The following PSAT1 variants were observed in gnomAD, a reference collection of about 807,000 sequenced individuals.
PSAT1 encodes the protein phosphoserine aminotransferase 1, also known as phosphoserine aminotransferase.
A neutral mutation model predicts 40.3 loss-of-function variants in PSAT1; 41 were observed. That is an observed-to-expected ratio of 1.02 (90% CI 0.79 to 1.32). The LOEUF (loss-of-function observed/expected upper bound fraction) is 1.32. Ranked by LOEUF, PSAT1 falls within the 40% of genes most tolerant of loss-of-function variation. The pLI is 0.00. For missense variants in PSAT1, 406 were observed against 455.8 expected (o/e 0.89, Z 0.99); for synonymous variants, 147 against 170.5 (o/e 0.86, Z 1.07).
chr9:78,324,416 T>A (rs4373597), intron 7 of PSAT1, among the ~76,000 whole-genome samples: 7,114 of 152,190 alleles, frequency 0.047, 491 homozygotes, highest in African/African-American at 0.15. Flanking sequence ...TTTGCAGCCC[T>A]GGGATTTCCA....
chr9:78,302,106 ATT>A lies in PSAT1; in HGVS notation c.191+84_191+85del. 17 of 969,574 alleles carry A rather than the reference ATT, an allele frequency of 1.8e-5. No individual in the cohort carries two copies. In the South Asian group the frequency reaches 2.3e-4, roughly 13 times the overall value. 60.1% of individuals were successfully genotyped at this position (969,574 alleles called of 1,614,324 possible). On this transcript the variant is annotated intron_variant, in intron 3 of 8. Transcript: ENST00000376588. ...TGTCTTCCAGTATTTTCTACACTCTATTGTTTGTTCAGAATATTTCATAATTT... is the reference window on the plus strand; with the variant it reads ...TGTCTTCCAGTATTTTCTACACTCTAGTTTGTTCAGAATATTTCATAATTT...
chr9:78,304,211 G>C (rs747713673), intron 3 of PSAT1, among the ~76,000 whole-genome samples: 28 of 152,162 alleles, frequency 1.8e-4, no homozygotes, highest in Non-Finnish European at 3.1e-4. Context: ...ACTGCAGGAA[G>C]GTGATTTTCC....
chr9:78,318,089 G>A (rs1168841359), intron 7 of PSAT1, among the ~76,000 whole-genome samples: 1 of 152,038 alleles, frequency 6.6e-6, no homozygotes, highest in African/African-American at 2.4e-5. Context: ...CACTCCCTGG[G>A]GTAGGTCCCG....
At chr9:78,315,710 C>G (rs937149693) in intron 6 of PSAT1, among the ~76,000 whole-genome samples, 2 of 152,182 alleles carry the variant, frequency 1.3e-5, no homozygotes, top group African/African-American at 4.8e-5. Flanking sequence ...CCGGTGTTGG[C>G]TTTTGCCAAC....
intron 7 of PSAT1, among the ~76,000 whole-genome samples, chr9:78,321,999 G>A (rs1828435669): frequency 6.6e-6 from 1 of 151,876 alleles, no homozygotes; most frequent in Non-Finnish European, 1.5e-5. Flanking sequence ...GCTAGAAACA[G>A]TGGTTGGCAC....
chr9:78,302,427 A>G (rs1828119954), intron 3 of PSAT1, among the ~76,000 whole-genome samples: 1 of 152,086 alleles, frequency 6.6e-6, no homozygotes, highest in South Asian at 2.1e-4. Context: ...GTTAGGGGGA[A>G]TATTAAAAAA....
At chr9:78,305,639 A>G (rs996051713) in intron 4 of PSAT1, among the ~76,000 whole-genome samples, 1 of 152,206 alleles carries the variant, frequency 6.6e-6, no homozygotes, top group East Asian at 1.9e-4. Flanking sequence ...CAATGCCTTT[A>G]TGGAGCATTC....
chr9:78,300,693 C>T (rs1828094697), intron 2 of PSAT1, 31 bp downstream of exon 2: 6 of 1,481,958 alleles, frequency 4.0e-6, no homozygotes, highest in Non-Finnish European at 5.5e-6. Flanking sequence ...CTGTGAATGT[C>T]CATGTTTCAA....
At position 78,302,621 on chromosome 9, in the gene PSAT1, C is replaced by G. The variant is rs1828123105; in HGVS notation, c.191+598C>G. On this transcript the variant is annotated intron_variant, in intron 3 of 8. Coordinates refer to ENST00000376588, the MANE Select transcript of PSAT1 (RefSeq NM_058179.4). The stretch of plus-strand genomic sequence containing the variant: ...TGGTGGCGCATACCTGTATTCCCAG[C>G]TATTCGGGAGGCTGAGGCAGGAGAA... Among the ~76,000 whole-genome samples, 3 of 151,248 alleles carry G rather than the reference C, an allele frequency of 2.0e-5. No homozygotes were observed. In the Admixed American group the frequency reaches 2.0e-4, roughly 10 times the overall value.
chr9:78,300,307 G>A (rs1828088521), intron 1 of PSAT1, among the ~76,000 whole-genome samples: 1 of 152,186 alleles, frequency 6.6e-6, no homozygotes, highest in Non-Finnish European at 1.5e-5. Context: ...CTTTAGGAGA[G>A]TGGTGAATGA....
rs763450967 is a variant in PSAT1 at position 78,317,681 on chromosome 9, A to G, written c.746A>G (p.Tyr249Cys). The G allele has an allele frequency of 1.2e-5, 19 of 1,613,428 alleles. No individual in the cohort carries two copies. The South Asian group carries it at 1.4e-4, about 12-fold the overall frequency. ...LYNTPPCFSI[Y>C]VMGLVLEWIK... The stretch of plus-strand genomic sequence containing the variant: ...TTTAAAAATCTTCATTTTAGCATCT[A>G]CGTCATGGGCTTGGTTCTGGAGTGG... Residue 249 changes from tyrosine to cysteine, a missense_variant, in exon 7 of 9, where the codon TAC becomes TGC. Physicochemically the swap from Tyr to Cys is radical, Grantham distance 194 (BLOSUM62 -2). Coordinates refer to ENST00000376588, the MANE Select transcript of PSAT1 (RefSeq NM_058179.4).
intron 1 of PSAT1, 41 bp downstream of exon 1, chr9:78,297,311 G>A (rs901048836): frequency 1.3e-6 from 2 of 1,570,416 alleles, no homozygotes; most frequent in African/African-American, 1.3e-5. Flanking sequence ...AGGTTCAGGC[G>A]GGAGCACGCA....
chr9:78,322,834 G>A (rs1360487471), intron 7 of PSAT1, among the ~76,000 whole-genome samples: 1 of 152,192 alleles, frequency 6.6e-6, no homozygotes, highest in Non-Finnish European at 1.5e-5. Flanking sequence ...CATGAGATAT[G>A]TTTTGCCTTT....
chr9:78,304,675 T>C, intron 3 of PSAT1, 60 bp from the exon 4 acceptor site: 1 of 1,495,160 alleles, frequency 6.7e-7, no homozygotes, highest in East Asian at 2.3e-5. Flanking sequence ...GAGCATCACT[T>C]GTTCTCAATC....
At chr9:78,297,627 A>C (rs966076341) in intron 1 of PSAT1, among the ~76,000 whole-genome samples, 1 of 152,168 alleles carries the variant, frequency 6.6e-6, no homozygotes. Context: ...GGCGGGGCGA[A>C]AAAGAAAAAG....
At chr9:78,321,155 A>G (rs1351588913) in intron 7 of PSAT1, among the ~76,000 whole-genome samples, 1 of 152,126 alleles carries the variant, frequency 6.6e-6, no homozygotes, top group Non-Finnish European at 1.5e-5. Flanking sequence ...TCACACCCAG[A>G]GCTCTTCACT....
chr9:78,297,381 C>G, intron 1 of PSAT1, 111 bp downstream of exon 1: 1 of 1,281,138 alleles, frequency 7.8e-7, no homozygotes, highest in Non-Finnish European at 1.1e-6. Context: ...GCCTTGAGTC[C>G]CCTAGGCGCT....
intron 6 of PSAT1, among the ~76,000 whole-genome samples, chr9:78,312,503 C>T (rs1828282927): frequency 6.6e-6 from 1 of 151,994 alleles, no homozygotes; most frequent in Non-Finnish European, 1.5e-5. Flanking sequence ...CGAGACCACC[C>T]TGACCAACAT....
At chr9:78,305,090 G>C in intron 4 of PSAT1, 150 bp downstream of exon 4, 1 of 722,160 alleles carries the variant, frequency 1.4e-6, no homozygotes, top group South Asian at 1.6e-5. Flanking sequence ...TAAGACTAGA[G>C]CCTATGCATA....
Sources: allele counts gnomAD v4.1 joint callset (sites outside exome capture counted in the v4.1 genomes callset), GRCh38; gene constraint gnomAD v4.1.1; transcripts MANE v1.5; gene names NCBI Gene and HGNC (gene_info 2026-07-23, HGNC 2026-07-21).